NMNAT2: variants seen among roughly 807,000 people sequenced by gnomAD.
NMNAT2 encodes the protein nicotinamide nucleotide adenylyltransferase 2.
A neutral mutation model predicts 41.6 loss-of-function variants in NMNAT2; 11 were observed. The ratio of observed to expected loss-of-function variants is 0.26; its 90% CI spans 0.17 to 0.44. The LOEUF (loss-of-function observed/expected upper bound fraction) is 0.44. Among genes scored for constraint, NMNAT2 ranks in the 20% least tolerant of loss-of-function variants. The probability of loss-of-function intolerance (pLI) is 1.00; values close to 1 mark genes in which losing one functional copy is unlikely to be tolerated. For synonymous variants in NMNAT2, 148 were observed against 151.2 expected, an observed-to-expected ratio of 0.98 and a Z score of 0.16; for missense variants, 288 against 407.7, an observed-to-expected ratio of 0.71 and a Z score of 2.53.
chr1:183,252,871 T>C, intron 10 of NMNAT2, 128 bp from the exon 11 acceptor site: 1 of 665,688 alleles, frequency 1.5e-6, no homozygotes, highest in Admixed American at 2.4e-5. Flanking sequence ...AGTTCTGTAT[T>C]AGGAAAGGCC....
At chr1:183,382,077 C>G (rs1260068057) in intron 1 of NMNAT2, among the ~76,000 whole-genome samples, 1 of 152,224 alleles carries the variant, frequency 6.6e-6, no homozygotes, top group Non-Finnish European at 1.5e-5. Flanking sequence ...TTTATTGGCT[C>G]ACAGTTTCAT....
chr1:183,257,834 T>C (rs567722271), intron 10 of NMNAT2, among the ~76,000 whole-genome samples: 1 of 152,204 alleles, frequency 6.6e-6, no homozygotes, highest in African/African-American at 2.4e-5. Flanking sequence ...ATTTTTTCTA[T>C]GGTTTTTCTA....
intron 1 of NMNAT2, among the ~76,000 whole-genome samples, chr1:183,312,264 G>C (rs1662139496): frequency 6.6e-6 from 1 of 150,580 alleles, no homozygotes; most frequent in South Asian, 2.1e-4. Context: ...ATAATTTAAG[G>C]CTTTTTTTTT....
chr1:183,327,347 T>C (rs1662491463), intron 1 of NMNAT2, among the ~76,000 whole-genome samples: 2 of 152,206 alleles, frequency 1.3e-5, no homozygotes, highest in Admixed American at 1.3e-4. Context: ...TGAGCCACTG[T>C]GCCTGGCCCT....
At chr1:183,327,213 G>C (rs1013277438) in intron 1 of NMNAT2, among the ~76,000 whole-genome samples, 1 of 152,018 alleles carries the variant, frequency 6.6e-6, no homozygotes, top group Non-Finnish European at 1.5e-5. Context: ...ACCATACTTG[G>C]CTAATTTTTG....
rs1217831351 is a variant in NMNAT2 at position 183,396,457 on chromosome 1, G to GTGCA, written c.85+21722_85+21725dup. Among the ~76,000 whole-genome samples, 3 of 152,164 alleles carry GTGCA rather than the reference G, an allele frequency of 2.0e-5. No individual in the cohort carries two copies. The East Asian group carries it at 5.8e-4, about 29-fold the overall frequency. On this transcript the variant is annotated intron_variant, in intron 1 of 10. Transcript: ENST00000287713. ...GAGTTGGGCGAGTGGGCTCAAGCAT[G>GTGCA]TGCACTAAGAGGCAAAATGGTGGAG...
At chr1:183,268,965 C>T (rs10911294) in intron 8 of NMNAT2, among the ~76,000 whole-genome samples, 14,675 of 152,132 alleles carry the variant, frequency 0.096, 875 homozygotes, top group East Asian at 0.2. Context: ...GCAAGAGGAT[C>T]GCTTGACCCC....
intron 1 of NMNAT2, among the ~76,000 whole-genome samples, chr1:183,401,715 C>T (rs1449099042): frequency 6.6e-6 from 1 of 152,126 alleles, no homozygotes; most frequent in African/African-American, 2.4e-5. Flanking sequence ...CACATGTACA[C>T]CATGGAATAC....
At position 183,290,156 on chromosome 1, in the gene NMNAT2, AC is replaced by A; in HGVS notation, c.292del (p.Val98CysfsTer9). ...CATGAGGTCCCGGTGGTGTTCCAAC[AC>A]GCTGCAGGTCGTCTGCCAGGTGTCC... is the stretch of plus-strand genomic sequence containing the variant. ...YQDTWQTTCSVLEHHRDLMKR... is the reference protein window; with the variant it reads ...YQDTWQTTCSXLEHHRDLMKR... On this transcript the variant is annotated frameshift_variant, in exon 4 of 11. Transcript: ENST00000287713. LOFTEE classifies it high-confidence loss of function. 6.3e-7 allele frequency: 1 copy of A among 1,585,604 alleles called. No individual in the cohort carries two copies. The highest frequency in any genetic ancestry group is 8.6e-7 in the Non-Finnish European group (1 of 1,164,686).
rs1662304370 is a variant in NMNAT2, at chr1:183,318,783, C to G, written c.86-24990G>C. Among the ~76,000 whole-genome samples the G allele has an allele frequency of 2.6e-5, 4 of 152,186 alleles. No individual in the cohort carries two copies. The South Asian group carries it at 8.3e-4, about 32-fold the overall frequency. On this transcript the variant is annotated intron_variant, in intron 1 of 10. Coordinates refer to ENST00000287713, the MANE Select transcript of NMNAT2 (RefSeq NM_015039.4). ...TTGCTGAACTCCCTAAAATCCGATA[C>G]AGGAGCAGAGGTTTGGGGCCTGGGA...
intron 1 of NMNAT2, among the ~76,000 whole-genome samples, chr1:183,316,828 C>T (rs945671265): frequency 2.6e-5 from 4 of 152,124 alleles, no homozygotes; most frequent in Non-Finnish European, 4.4e-5. Flanking sequence ...TGGAAATAAC[C>T]CTTTATCTGA....
intron 1 of NMNAT2, among the ~76,000 whole-genome samples, chr1:183,298,082 C>T (rs184391964): frequency 1.3e-5 from 2 of 152,250 alleles, no homozygotes; most frequent in Admixed American, 1.3e-4. Context: ...CTGCAAAAAC[C>T]TGCAACTAAC....
At chr1:183,389,740 GAAAGAAAGA>G (rs1648383539) in intron 1 of NMNAT2, among the ~76,000 whole-genome samples, 1 of 6,304 alleles carries the variant, frequency 1.6e-4, no homozygotes, top group East Asian at 0.011. Flanking sequence ...TGTCAAAAAA[GAAAGAAAGA>G]AAGAAAGAAA....
At chr1:183,378,491 G>T (rs1249657270) in intron 1 of NMNAT2, among the ~76,000 whole-genome samples, 1 of 151,942 alleles carries the variant, frequency 6.6e-6, no homozygotes, top group Non-Finnish European at 1.5e-5. Context: ...GGAGGCAGAG[G>T]TTGCAGCGAG....
intron 1 of NMNAT2, among the ~76,000 whole-genome samples, chr1:183,341,117 C>G (rs968061631): frequency 4.6e-5 from 7 of 152,294 alleles, no homozygotes; most frequent in East Asian, 3.9e-4. Context: ...CTAAGCCCAC[C>G]TAAGAGTAAT....
At chr1:183,314,142 T>G (rs1662189260) in intron 1 of NMNAT2, among the ~76,000 whole-genome samples, 1 of 152,216 alleles carries the variant, frequency 6.6e-6, no homozygotes, top group East Asian at 1.9e-4. Context: ...CCTTCAAACT[T>G]TGTGCAACTA....
At position 183,347,566 on chromosome 1, in the gene NMNAT2, G is replaced by A. The variant is rs146442522; in HGVS notation, c.86-53773C>T. ...TATGGAAAAAGCTTGGGAAAGTGCC[G>A]GACACACAGTAAGCACTCTAAAAGT... On this transcript the variant is annotated intron_variant, in intron 1 of 10. Coordinates refer to ENST00000287713, the MANE Select transcript of NMNAT2 (RefSeq NM_015039.4). Among the ~76,000 whole-genome samples the A allele has an allele frequency of 6.0e-4, 91 of 152,220 alleles. No homozygotes were observed. The East Asian group carries it at 0.016, about 27-fold the overall frequency.
At chr1:183,263,622 C>T (rs1316291935) in intron 8 of NMNAT2, among the ~76,000 whole-genome samples, 1 of 151,944 alleles carries the variant, frequency 6.6e-6, no homozygotes, top group Non-Finnish European at 1.5e-5. Flanking sequence ...ATCGAGACCA[C>T]GGTGAAACCC....
chr1:183,330,205 CAT>C (rs1261133576), intron 1 of NMNAT2, among the ~76,000 whole-genome samples: 1 of 152,200 alleles, frequency 6.6e-6, no homozygotes, highest in Non-Finnish European at 1.5e-5. Flanking sequence ...GTATCCATCA[CAT>C]AGGATTGTTA....
Sources: allele counts gnomAD v4.1 joint callset (sites outside exome capture counted in the v4.1 genomes callset), GRCh38; gene constraint gnomAD v4.1.1; transcripts MANE v1.5; gene names NCBI Gene and HGNC (gene_info 2026-07-23, HGNC 2026-07-21).